PRKCA: variants seen among roughly 807,000 people sequenced by gnomAD.
PRKCA encodes the protein protein kinase C alpha.
PRKCA carries 27 observed loss-of-function variants against 87.0 expected under a neutral mutation model. The observed-to-expected ratio is 0.31, with a 90% CI of 0.23 to 0.43. PRKCA has a LOEUF of 0.43. PRKCA is among the 20% of genes least tolerant of loss of function. The pLI is 1.00. For synonymous variants in PRKCA, 329 were observed against 311.1 expected, an observed-to-expected ratio of 1.06 and a Z score of -0.61; for missense variants, 518 against 852.3, an observed-to-expected ratio of 0.61 and a Z score of 4.88.
At chr17:66,566,690 G>T (rs1256619317) in intron 3 of PRKCA, among the ~76,000 whole-genome samples, 1 of 152,040 alleles carries the variant, frequency 6.6e-6, no homozygotes, top group African/African-American at 2.4e-5. Context: ...TAATTCAGCA[G>T]TGTGTCTTGA....
At chr17:66,422,410 C>G (rs898958620) in intron 2 of PRKCA, among the ~76,000 whole-genome samples, 1 of 152,116 alleles carries the variant, frequency 6.6e-6, no homozygotes. Context: ...AAAACTGTAT[C>G]CCTAGCACCT....
At chr17:66,410,598 C>T (rs965672857) in intron 2 of PRKCA, among the ~76,000 whole-genome samples, 5 of 152,108 alleles carry the variant, frequency 3.3e-5, no homozygotes, top group African/African-American at 1.2e-4. Flanking sequence ...TTGTTTGAGA[C>T]AGAGTCTCAC....
At chr17:66,769,485 ATGT>A (rs1974884587) in intron 13 of PRKCA, among the ~76,000 whole-genome samples, 1 of 152,146 alleles carries the variant, frequency 6.6e-6, no homozygotes, top group South Asian at 2.1e-4. Flanking sequence ...AGTTACAAAT[ATGT>A]TGATTTTTTT....
intron 15 of PRKCA, among the ~76,000 whole-genome samples, chr17:66,788,215 T>G (rs1166078367): frequency 6.6e-6 from 1 of 152,214 alleles, no homozygotes; most frequent in Non-Finnish European, 1.5e-5. Context: ...ATTTGTCACG[T>G]GTCATCCAAG....
chr17:66,713,168 C>T (rs1973379277), intron 8 of PRKCA, among the ~76,000 whole-genome samples: 1 of 151,044 alleles, frequency 6.6e-6, no homozygotes, highest in African/African-American at 2.4e-5. Context: ...TCTCCTGCCT[C>T]AGTCTACCGA....
intron 2 of PRKCA, among the ~76,000 whole-genome samples, chr17:66,378,188 T>G (rs1222792270): frequency 6.6e-6 from 1 of 152,104 alleles, no homozygotes; most frequent in Non-Finnish European, 1.5e-5. Flanking sequence ...CTGGCTGTGG[T>G]GGCGTGTGCC....
At position 66,788,964 on chromosome 17, in the gene PRKCA, A is replaced by T. The variant is rs753015298; in HGVS notation, c.1839A>T (p.Pro613=). Residue 613 remains proline, a synonymous_variant, in exon 16 of 17, where the codon CCA becomes CCT. Transcript: ENST00000413366. ...EKLENREIQP[P]FKPKVCGKGA... Reference sequence around the variant, plus strand: ...TGGAGAACAGGGAGATCCAGCCACCATTCAAGCCCAAAGTGGTGAGTCCAG... The same window carrying T: ...TGGAGAACAGGGAGATCCAGCCACCTTTCAAGCCCAAAGTGGTGAGTCCAG... 3 of 1,613,982 alleles carry T rather than the reference A, an allele frequency of 1.9e-6. No individual in the cohort carries two copies. Among genetic ancestry groups the T allele is most frequent in the Non-Finnish European group, 2.5e-6 (3 of 1,180,032 alleles).
At chr17:66,460,542 A>G (rs888196135) in intron 2 of PRKCA, among the ~76,000 whole-genome samples, 2 of 152,328 alleles carry the variant, frequency 1.3e-5, no homozygotes, top group Admixed American at 1.3e-4. Flanking sequence ...CAGTGCAGAC[A>G]GGGAGAAGAA....
At chr17:66,451,061 AATG>A (rs576586669) in intron 2 of PRKCA, among the ~76,000 whole-genome samples, 167 of 152,320 alleles carry the variant, frequency 1.1e-3, no homozygotes, top group African/African-American at 3.9e-3. Flanking sequence ...TCTATAAAGA[AATG>A]ATGAAGTGAA....
chr17:66,680,834 G>A (rs1395667827), intron 5 of PRKCA, among the ~76,000 whole-genome samples: 1 of 152,190 alleles, frequency 6.6e-6, no homozygotes, highest in Non-Finnish European at 1.5e-5. Flanking sequence ...GGTAGGTTCA[G>A]CAGTGTTGCC....
At chr17:66,511,879 C>T (rs1917247166) in intron 3 of PRKCA, among the ~76,000 whole-genome samples, 1 of 151,856 alleles carries the variant, frequency 6.6e-6, no homozygotes. Flanking sequence ...CAGGGTTTCA[C>T]CATATTGGCC....
chr17:66,633,088 A>T (rs1971065258), intron 3 of PRKCA, among the ~76,000 whole-genome samples: 1 of 152,240 alleles, frequency 6.6e-6, no homozygotes, highest in African/African-American at 2.4e-5. Flanking sequence ...CAGTATGGTC[A>T]GAGGCCAAGT....
intron 8 of PRKCA, among the ~76,000 whole-genome samples, chr17:66,713,212 C>T (rs868749821): frequency 1.3e-5 from 2 of 151,982 alleles, no homozygotes; most frequent in Non-Finnish European, 2.9e-5. Flanking sequence ...CCACCATGCC[C>T]GGCCAATTTT....
At chr17:66,452,724 C>T (rs912003340) in intron 2 of PRKCA, among the ~76,000 whole-genome samples, 2 of 152,072 alleles carry the variant, frequency 1.3e-5, no homozygotes, top group African/African-American at 2.4e-5. Context: ...ATTAGCTGGG[C>T]GTGGTGGCGG....
At position 66,486,013 on chromosome 17, in the gene PRKCA, C is replaced by T. The variant is rs148083655; in HGVS notation, c.206-10188C>T. On this transcript the variant is annotated intron_variant, in intron 2 of 16. Coordinates refer to ENST00000413366, the MANE Select transcript of PRKCA (RefSeq NM_002737.3). The stretch of plus-strand genomic sequence containing the variant: ...GCACACTGGGTTTTGGATGTTCAGA[C>T]ATGAAGCTTGTACTGCCAAGTGAGG... Among the ~76,000 whole-genome samples, 1,217 of 152,208 alleles carry T rather than the reference C, an allele frequency of 8.0e-3. 10 individuals are homozygous for T. Among genetic ancestry groups the T allele is most frequent in the Middle Eastern group, 0.027 (8 of 294 alleles).
intron 13 of PRKCA, among the ~76,000 whole-genome samples, chr17:66,744,235 A>T (rs1418086871): frequency 6.6e-6 from 1 of 152,198 alleles, no homozygotes; most frequent in Non-Finnish European, 1.5e-5. Context: ...GAACTCCCTC[A>T]TTAGTACCTA....
At chr17:66,426,767 C>T (rs1000537621) in intron 2 of PRKCA, among the ~76,000 whole-genome samples, 2 of 152,142 alleles carry the variant, frequency 1.3e-5, no homozygotes. Flanking sequence ...TTTCTTTACC[C>T]TAAAAAGGGA....
At chr17:66,702,945 A>C (rs1702479657) in intron 8 of PRKCA, among the ~76,000 whole-genome samples, 1 of 152,200 alleles carries the variant, frequency 6.6e-6, no homozygotes, top group African/African-American at 2.4e-5. Flanking sequence ...TACAGTAAAA[A>C]TACAATATAA....
chr17:66,720,550 G>A (rs1006137588), intron 8 of PRKCA, among the ~76,000 whole-genome samples: 14 of 152,120 alleles, frequency 9.2e-5, no homozygotes, highest in African/African-American at 1.7e-4. Flanking sequence ...CTTAACTAAC[G>A]TTGCAGTGGG....
Sources: allele counts gnomAD v4.1 joint callset (sites outside exome capture counted in the v4.1 genomes callset), GRCh38; gene constraint gnomAD v4.1.1; transcripts MANE v1.5; gene names NCBI Gene and HGNC (gene_info 2026-07-23, HGNC 2026-07-21).